Variants in PARP4 observed in about 807,000 individuals in gnomAD.
The protein encoded by PARP4 is protein mono-ADP-ribosyltransferase PARP4.
A neutral mutation model predicts 187.7 loss-of-function variants in PARP4; 120 were observed. The observed-to-expected ratio is 0.64, with a 90% CI of 0.55 to 0.74. The LOEUF is 0.74. Among genes scored for constraint, PARP4 ranks in the 30% least tolerant of loss-of-function variants. The pLI is 0.00. For synonymous variants in PARP4, 654 were observed against 740.9 expected (o/e 0.88, Z 1.90); for missense variants, 1,836 against 2,070.5 (o/e 0.89, Z 2.20).
chr13:24,466,460 T>C (rs12854523), intron 17 of PARP4, among the ~76,000 whole-genome samples: 77,377 of 151,906 alleles, frequency 0.51, 20,016 homozygotes, highest in South Asian at 0.65. Flanking sequence ...GGATTACAGG[T>C]ATGAGCTACC....
At position 24,443,706 on chromosome 13, in the gene PARP4, C is replaced by G. The variant is rs767912038; in HGVS notation, c.3391G>C (p.Ala1131Pro). The G allele has an allele frequency of 6.2e-7, 1 of 1,613,718 alleles. No homozygotes were observed. The highest frequency in any genetic ancestry group is 1.1e-5 in the South Asian group (1 of 91,048). Residue 1131 changes from alanine (A) to proline (P), a missense_variant, in exon 28 of 34, where the codon GCT (alanine) becomes CCT (proline). Around this residue, in one of 8 missense-constraint regions of PARP4, gnomAD observed 56 missense variants for 56.6 expected, o/e 0.99. Coordinates refer to ENST00000381989, the MANE Select transcript of PARP4 (RefSeq NM_006437.4). Reference protein sequence around the residue: ...GTMIHKLAARALIRDYEDGIL... With the variant: ...GTMIHKLAARPLIRDYEDGIL... ...CCATCTTCATAATCTCTGATTAGAG[C>G]TCGGGCTGCCAGCTTGTGGATCATC...
intron 32 of PARP4, among the ~76,000 whole-genome samples, 179 bp from the exon 33 acceptor site, chr13:24,426,777 A>G (rs1311201321): frequency 1.3e-5 from 2 of 151,076 alleles, no homozygotes; most frequent in African/African-American, 2.4e-5. Flanking sequence ...CTGTAGTCCC[A>G]GCTACTCGGG....
chr13:24,486,128 G>A (rs1306614869), intron 11 of PARP4, 40 bp downstream of exon 11: 2 of 1,563,202 alleles, frequency 1.3e-6, no homozygotes, highest in African/African-American at 2.7e-5. Context: ...TCACATTTGT[G>A]AGCCTGAAAT....
At chr13:24,436,700 C>T (rs199765516) in intron 30 of PARP4, among the ~76,000 whole-genome samples, 1 of 145,122 alleles carries the variant, frequency 6.9e-6, no homozygotes, top group Non-Finnish European at 1.5e-5. Context: ...TATATTACTA[C>T]TATTGTTTCA....
intron 32 of PARP4, among the ~76,000 whole-genome samples, chr13:24,430,061 G>C (rs1352738952): frequency 1.3e-5 from 2 of 152,142 alleles, no homozygotes; most frequent in Non-Finnish European, 2.9e-5. Flanking sequence ...TATTCTCCTG[G>C]CCTTCAAAGA....
At position 24,469,006 on chromosome 13, in the gene PARP4, A is replaced by C. The variant is rs761212388; in HGVS notation, c.2133+18T>G. On this transcript the variant is annotated intron_variant, in intron 17 of 33. Coordinates refer to ENST00000381989, the MANE Select transcript of PARP4 (RefSeq NM_006437.4). The stretch of plus-strand genomic sequence containing the variant: ...TTTCCCTCTCCTGTATGCATGCGGC[A>C]TGCACACCAAGCCATACCGGAGCAT... 6.4e-7 allele frequency: 1 copy of C among 1,563,514 alleles called. No individual in the cohort carries two copies. The highest frequency in any genetic ancestry group is 2.2e-5 in the East Asian group (1 of 44,642).
intron 1 of PARP4, among the ~76,000 whole-genome samples, chr13:24,506,268 C>T (rs894779609): frequency 3.3e-5 from 5 of 152,162 alleles, no homozygotes; most frequent in Non-Finnish European, 7.3e-5. Flanking sequence ...CCGGTGGGTT[C>T]GTGGTGTCGC....
chr13:24,434,774 G>A lies in PARP4; in HGVS notation c.4367C>T (p.Pro1456Leu). The change falls in exon 31 of 34, where the codon CCC (proline) becomes CTC (leucine). Residue 1456 changes from proline to leucine, a missense_variant. Physicochemically the swap from Pro to Leu is moderately conservative, Grantham distance 98. Transcript: ENST00000381989. ...AAAATGAAAAGGAGAGGAAGCAGAG[G>A]GATGATAAGACCCAAAACCTCTGAT... ...DPIRGFGSYH[P>L]SASSPFHFQP... The A allele has an allele frequency of 1.1e-5, 17 of 1,612,412 alleles. No homozygotes were observed. Among genetic ancestry groups the A allele is most frequent in the Non-Finnish European group, 1.4e-5 (17 of 1,179,346 alleles).
intron 10 of PARP4, among the ~76,000 whole-genome samples, chr13:24,488,684 A>G (rs2137527228): frequency 6.6e-6 from 1 of 152,316 alleles, no homozygotes; most frequent in East Asian, 1.9e-4. Flanking sequence ...GTGAAATTCC[A>G]AAAAGATAAA....
chr13:24,435,882 T>C (rs1870608888), intron 30 of PARP4, among the ~76,000 whole-genome samples: 1 of 144,332 alleles, frequency 6.9e-6, no homozygotes. Context: ...GCACTACTGC[T>C]CTCCAGCCTG....
rs74478856 is a variant in PARP4 at position 24,500,048 on chromosome 13, A to T, written c.401+268T>A. 3.1e-4 allele frequency among the ~76,000 whole-genome samples: 35 copies of T among 114,394 alleles called. 1 individual carries two copies. In the East Asian group the frequency reaches 5.3e-3, roughly 17 times the overall value. The allele number at this position is 114,394 out of a possible 152,430, so 75.0% of individuals were successfully genotyped here. A position where few individuals can be genotyped will look rare whatever the true frequency, so the allele number is the denominator to read the frequency against. ...ATAGGATGAAAATAGGTTTTTTTTT[A>T]AAAGAATTAAAAAAAAAACCCACTG... On this transcript the variant is annotated intron_variant, in intron 4 of 33. Coordinates refer to ENST00000381989, the MANE Select transcript of PARP4 (RefSeq NM_006437.4).
At chr13:24,475,280 C>G (rs908660713) in intron 15 of PARP4, among the ~76,000 whole-genome samples, 192 bp downstream of exon 15, 1 of 152,216 alleles carries the variant, frequency 6.6e-6, no homozygotes, top group African/African-American at 2.4e-5. Context: ...AAGGGCAGAG[C>G]TTTTGTATTG....
At chr13:24,474,265 C>A (rs1211252506) in intron 15 of PARP4, among the ~76,000 whole-genome samples, 3 of 151,886 alleles carry the variant, frequency 2.0e-5, no homozygotes, top group African/African-American at 4.8e-5. Context: ...TCCTACACCC[C>A]CACTGCAAAC....
Position 24,469,114 on chromosome 13 carries a change from G to C in PARP4, c.2047-4C>G, listed in dbSNP as rs747925285. The C allele has an allele frequency of 9.4e-6, 15 of 1,592,986 alleles. No individual in the cohort carries two copies. The South Asian group carries it at 1.5e-4, about 16-fold the overall frequency. On this transcript the variant is annotated splice_polypyrimidine_tract_variant and splice_region_variant and intron_variant, in intron 16 of 33. Coordinates refer to ENST00000381989, the MANE Select transcript of PARP4 (RefSeq NM_006437.4). ...GGGCTTCTTCCTTCTCTTTAATCTG[G>C]AAAAGATGAGTTTTAAATCATTCCT...
At chr13:24,427,447 TG>T (rs1279290859) in intron 32 of PARP4, among the ~76,000 whole-genome samples, 1 of 149,112 alleles carries the variant, frequency 6.7e-6, no homozygotes, top group Non-Finnish European at 1.5e-5. Flanking sequence ...CAGAGCTCAC[TG>T]TAGCCCCCAA....
chr13:24,435,760 TA>T (rs1206648955), intron 30 of PARP4, among the ~76,000 whole-genome samples: 3 of 151,632 alleles, frequency 2.0e-5, no homozygotes, highest in Non-Finnish European at 2.9e-5. Context: ...TTACAAAAAA[TA>T]AAAAATTAGA....
At position 24,452,410 on chromosome 13, in the gene PARP4, T is replaced by C; in HGVS notation, c.3010A>G (p.Ile1004Val). The C allele has an allele frequency of 1.2e-6, 2 of 1,611,660 alleles. No individual in the cohort carries two copies. Among genetic ancestry groups the C allele is most frequent in the Non-Finnish European group, 1.7e-6 (2 of 1,179,078 alleles). Residue 1004 changes from isoleucine (I) to valine (V), a missense_variant, in exon 24 of 34, where the codon ATC becomes GTC. Physicochemically the swap from Ile to Val is conservative, Grantham distance 29. Around this residue, in one of 8 missense-constraint regions of PARP4, gnomAD observed 1,147 missense variants for 1,214.2 expected, o/e 0.94. Coordinates refer to ENST00000381989, the MANE Select transcript of PARP4 (RefSeq NM_006437.4). ...RPHTRLFACG[I>V]GSTANRHVLR... ...GACCAGCTCTCTGAGACTCACCCGA[T>C]ACCGCAGGCGAATAACCTGGTGTGC...
rs563234107 is a variant in PARP4, at chr13:24,439,705, T to C, written c.3666+2141A>G. ...TTTTGAAGCACATATAAGATAAGTA[T>C]ATATTTTCCAGGGCCCATTTTAACA... On this transcript the variant is annotated intron_variant, in intron 30 of 33. Coordinates refer to ENST00000381989, the MANE Select transcript of PARP4 (RefSeq NM_006437.4). Among the ~76,000 whole-genome samples, 145 of 152,184 alleles carry C rather than the reference T, an allele frequency of 9.5e-4. 2 individuals are homozygous for C. The highest frequency in any genetic ancestry group is 4.4e-4 in the Non-Finnish European group (30 of 68,024).
At chr13:24,458,899 T>C in intron 20 of PARP4, 145 bp downstream of exon 20, 1 of 657,010 alleles carries the variant, frequency 1.5e-6, no homozygotes, top group South Asian at 1.8e-5. Context: ...GAAACTGGTC[T>C]GGGGAGAATC....
Sources: gnomAD v4.1 joint callset for allele counts (sites outside exome capture counted in the v4.1 genomes callset) on GRCh38, gnomAD v4.1.1 for gene constraint, gnomAD v4.1.1 regional missense constraint, MANE v1.5 for transcripts, NCBI Gene and HGNC (gene_info 2026-07-23, HGNC 2026-07-21) for gene names.